NLGN1: variants seen among roughly 807,000 people sequenced by gnomAD.
NLGN1 encodes neuroligin 1.
Under a neutral mutation model 65.5 loss-of-function variants are expected in NLGN1, and 12 were observed. That is an observed-to-expected ratio of 0.18 (90% confidence interval 0.12 to 0.30). The LOEUF is 0.30. Ranked by LOEUF, NLGN1 falls within the 10% of genes least tolerant of loss-of-function variation. The probability of loss-of-function intolerance (pLI) is 1.00; values close to 1 mark genes in which losing one functional copy is unlikely to be tolerated. For synonymous variants in NLGN1, 350 were observed against 359.5 expected (o/e 0.97, Z 0.30); for missense variants, 750 against 1,007.1 (o/e 0.74, Z 3.46).
chr3:174,275,473 C>T (rs1750372985), exon 5 of NLGN1: 7 of 1,612,376 alleles, frequency 4.3e-6, no homozygotes, highest in Non-Finnish European at 5.9e-6. Context: ...ATGTGTCAAC[C>T]TGCTGACTTT....
chr3:173,607,064 A>G (rs944265240), intron 3 of NLGN1, among the ~76,000 whole-genome samples: 4 of 151,998 alleles, frequency 2.6e-5, no homozygotes, highest in African/African-American at 9.7e-5. Flanking sequence ...ATAAATAAAA[A>G]CATGTATGAT....
chr3:173,839,380 A>G (rs1472747499), intron 4 of NLGN1, among the ~76,000 whole-genome samples: 1 of 151,866 alleles, frequency 6.6e-6, no homozygotes, highest in Non-Finnish European at 1.5e-5. Context: ...AAGATCCTGA[A>G]CATCCTCAGA....
At chr3:173,549,798 A>G (rs771062020) in intron 2 of NLGN1, among the ~76,000 whole-genome samples, 1 of 152,130 alleles carries the variant, frequency 6.6e-6, no homozygotes, top group African/African-American at 2.4e-5. Flanking sequence ...CCAATCCTGT[A>G]TAAGCTATTT....
chr3:173,414,446 T>A (rs1713258543), intron 1 of NLGN1, among the ~76,000 whole-genome samples: 1 of 152,116 alleles, frequency 6.6e-6, no homozygotes, highest in Non-Finnish European at 1.5e-5. Context: ...AAGGGGTCAG[T>A]GTGGTCCTTT....
intron 4 of NLGN1, among the ~76,000 whole-genome samples, chr3:173,959,112 G>GCA (rs1712899108): frequency 6.6e-6 from 1 of 152,232 alleles, no homozygotes; most frequent in Non-Finnish European, 1.5e-5. Context: ...TGGCTTGGGT[G>GCA]GCTGCAGCTG....
chr3:173,833,768 T>G (rs1159028307), intron 4 of NLGN1, among the ~76,000 whole-genome samples: 1 of 152,180 alleles, frequency 6.6e-6, no homozygotes, highest in Non-Finnish European at 1.5e-5. Context: ...CCCAAAGTGC[T>G]GAGATTACAG....
chr3:173,646,936 T>A (rs935725906), intron 3 of NLGN1, among the ~76,000 whole-genome samples: 11 of 152,140 alleles, frequency 7.2e-5, no homozygotes, highest in African/African-American at 2.2e-4. Context: ...ACATTTTTGC[T>A]GTCTAAAAGA....
intron 3 of NLGN1, among the ~76,000 whole-genome samples, chr3:173,792,444 C>T (rs1713006615): frequency 6.6e-6 from 1 of 152,118 alleles, no homozygotes; most frequent in South Asian, 2.1e-4. Context: ...AAGTAATACT[C>T]CTTTCTTTTC....
At chr3:173,456,693 A>G (rs1722565701) in intron 2 of NLGN1, among the ~76,000 whole-genome samples, 1 of 152,078 alleles carries the variant, frequency 6.6e-6, no homozygotes, top group Non-Finnish European at 1.5e-5. Context: ...CACCCAGGTA[A>G]TAGTAACAGT....
chr3:173,569,367 C>T lies in NLGN1; in HGVS notation c.-320-34912C>T, dbSNP rs139374064. ...ATCTGTCGGTTTATGAATTAATCGG[C>T]AGTCACATGCATTTTGTTACTCAGG... On this transcript the variant is annotated intron_variant, in intron 2 of 6. Transcript: ENST00000457714. Among the ~76,000 whole-genome samples the T allele has an allele frequency of 4.8e-3, 730 of 152,074 alleles. 1 individual carries two copies. Among genetic ancestry groups the T allele is most frequent in the African/African-American group, 0.017 (696 of 41,508 alleles).
At chr3:173,864,534 T>C (rs1729752251) in intron 4 of NLGN1, among the ~76,000 whole-genome samples, 1 of 152,210 alleles carries the variant, frequency 6.6e-6, no homozygotes, top group South Asian at 2.1e-4. Flanking sequence ...AACACAGTAA[T>C]AAAACATATT....
At chr3:174,254,903 T>C (rs1379202590) in intron 4 of NLGN1, among the ~76,000 whole-genome samples, 1 of 152,162 alleles carries the variant, frequency 6.6e-6, no homozygotes, top group African/African-American at 2.4e-5. Flanking sequence ...TCTCCCTTGT[T>C]ATATATATTT....
chr3:174,237,919 A>G (rs975566601), intron 4 of NLGN1, among the ~76,000 whole-genome samples: 1 of 152,154 alleles, frequency 6.6e-6, no homozygotes, highest in South Asian at 2.1e-4. Flanking sequence ...CACCTTTTCT[A>G]TTGCCTCCAG....
At chr3:173,608,629 G>A (rs1322641004) in intron 3 of NLGN1, among the ~76,000 whole-genome samples, 1 of 151,826 alleles carries the variant, frequency 6.6e-6, no homozygotes, top group Non-Finnish European at 1.5e-5. Context: ...CTAGTTAGTG[G>A]TAGAGGCAAG....
chr3:173,923,055 A>G (rs1480505493), intron 4 of NLGN1, among the ~76,000 whole-genome samples: 1 of 151,756 alleles, frequency 6.6e-6, no homozygotes, highest in Non-Finnish European at 1.5e-5. Flanking sequence ...TTTCATCAAC[A>G]TTTTTTCAGC....
At chr3:174,272,776 A>G (rs918710028) in intron 4 of NLGN1, among the ~76,000 whole-genome samples, 14 of 151,688 alleles carry the variant, frequency 9.2e-5, no homozygotes, top group African/African-American at 3.4e-4. Context: ...ATCAGGAGTA[A>G]GAGAAATTCA....
intron 3 of NLGN1, among the ~76,000 whole-genome samples, chr3:173,680,627 G>T (rs1295639649): frequency 6.6e-6 from 1 of 152,108 alleles, no homozygotes; most frequent in Non-Finnish European, 1.5e-5. Context: ...TATGATTCTT[G>T]TGTTTGCTCA....
At chr3:173,440,088 A>G (rs1228047252) in intron 2 of NLGN1, among the ~76,000 whole-genome samples, 1 of 152,154 alleles carries the variant, frequency 6.6e-6, no homozygotes, top group Non-Finnish European at 1.5e-5. Flanking sequence ...TATCATTTCA[A>G]CAATGTTTAG....
At chr3:173,898,929 A>G (rs1736829551) in intron 4 of NLGN1, among the ~76,000 whole-genome samples, 2 of 152,066 alleles carry the variant, frequency 1.3e-5, no homozygotes, top group Admixed American at 1.3e-4. Flanking sequence ...TTAAGAGAAC[A>G]CCAAAACAAT....
Sources: gnomAD v4.1 joint callset for allele counts (sites outside exome capture counted in the v4.1 genomes callset) on GRCh38, gnomAD v4.1.1 for gene constraint, MANE v1.5 for transcripts, NCBI Gene and HGNC (gene_info 2026-07-23, HGNC 2026-07-21) for gene names.